The following ERAP1 variants were observed in gnomAD, a reference collection of about 807,000 sequenced individuals.
ERAP1 encodes endoplasmic reticulum aminopeptidase 1, also known as adipocyte-derived leucine aminopeptidase.
In ERAP1, 86 loss-of-function variants were observed where a neutral mutation model predicts 103.7. The ratio of observed to expected loss-of-function variants is 0.83; its 90% CI spans 0.70 to 0.99. The LOEUF (loss-of-function observed/expected upper bound fraction) is 0.99. Ranked by LOEUF, ERAP1 falls within the 50% of genes least tolerant of loss-of-function variation. The pLI, the probability that ERAP1 is intolerant of heterozygous loss-of-function variation, is 0.00. For synonymous variants in ERAP1, 398 were observed against 402.4 expected, an observed-to-expected ratio of 0.99 and a Z score of 0.13; for missense variants, 1,009 against 1,128.4, an observed-to-expected ratio of 0.89 and a Z score of 1.52.
the ERAP1 span, among the ~76,000 whole-genome samples, chr5:96,928,135 C>T: frequency 0.37 from 56,778 of 152,010 alleles, 10,774 homozygotes; most frequent in Non-Finnish European, 0.42. Flanking sequence ...GTGATCCGCC[C>T]ACCTCAGCCT....
chr5:96,913,402 G>A, the ERAP1 span: 2 of 1,614,050 alleles, frequency 1.2e-6, no homozygotes, highest in Non-Finnish European at 1.7e-6. Flanking sequence ...ACGTCCAAAG[G>A]GGCAGCAACT....
chr5:96,934,404 C>T, the ERAP1 span: 2 of 152,184 alleles, frequency 1.3e-5, no homozygotes, highest in Admixed American at 1.3e-4. Context: ...AGAAACAGTT[C>T]TTGTGCGAGG....
chr5:96,892,649 C>T, the ERAP1 span, among the ~76,000 whole-genome samples: 3 of 152,108 alleles, frequency 2.0e-5, no homozygotes, highest in East Asian at 1.9e-4. Context: ...AATTTTATTA[C>T]GAGAAGTAGC....
the ERAP1 span, chr5:96,917,396 C>A: frequency 5.0e-6 from 7 of 1,387,248 alleles, no homozygotes; most frequent in Non-Finnish European, 6.9e-6. Context: ...GCTGGGATTA[C>A]AGGTGTGAAC....
chr5:96,889,496 G>A, the ERAP1 span: 1 of 717,058 alleles, frequency 1.4e-6, no homozygotes, highest in Non-Finnish European at 2.5e-6. Context: ...CCCCAACAGT[G>A]TGGATCATTT....
chr5:96,862,734 G>A, the ERAP1 span, among the ~76,000 whole-genome samples: 1 of 152,186 alleles, frequency 6.6e-6, no homozygotes, highest in East Asian at 1.9e-4. Flanking sequence ...CAGCCACCAT[G>A]ATTGCCTAGA....
the ERAP1 span, among the ~76,000 whole-genome samples, chr5:96,864,876 CA>C: frequency 2.0e-5 from 3 of 151,594 alleles, no homozygotes; most frequent in African/African-American, 7.3e-5. Flanking sequence ...ATCAAAGGTC[CA>C]ATTTATAAAA....
chr5:96,926,872 A>G, the ERAP1 span, among the ~76,000 whole-genome samples: 1 of 152,144 alleles, frequency 6.6e-6, no homozygotes, highest in South Asian at 2.1e-4. Context: ...GCTGGAGTGC[A>G]CTGGTGCAGT....
chr5:96,900,681 A>G, the ERAP1 span, among the ~76,000 whole-genome samples: 1 of 151,952 alleles, frequency 6.6e-6, no homozygotes. Flanking sequence ...ACATAAATTT[A>G]TATTTATTTA....
chr5:96,818,321 C>A, the ERAP1 span, among the ~76,000 whole-genome samples: 12 of 152,092 alleles, frequency 7.9e-5, no homozygotes. Flanking sequence ...CTGAGATGAA[C>A]ACAACACCTC....
chr5:96,790,700 A>G, intron 8 of ERAP1, 57 bp from the exon 9 acceptor site: 2 of 1,490,652 alleles, frequency 1.3e-6, no homozygotes, highest in Non-Finnish European at 1.9e-6. Flanking sequence ...CTCATCTGAA[A>G]TCACATATTC....
chr5:96,800,795 G>A, intron 3 of ERAP1, 67 bp downstream of exon 3: 1 of 1,539,284 alleles, frequency 6.5e-7, no homozygotes, highest in Non-Finnish European at 9.0e-7. Context: ...GACTGTCACT[G>A]GGCTAGTGCA....
the ERAP1 span, chr5:96,896,728 A>T: frequency 4.9e-5 from 75 of 1,520,546 alleles, no homozygotes; most frequent in Admixed American, 3.2e-4. Context: ...GTTTTTTTTT[A>T]AAGGGAGCTT....
rs149909757 is a variant in ERAP1, at chr5:96,803,446, C to G, written c.481G>C (p.Gly161Arg). Residue 161 changes from glycine (G) to arginine (R), a missense_variant, in exon 2 of 19, where the codon GGA (glycine) becomes CGA (arginine). By Grantham distance (125) the Gly-to-Arg change is moderately radical. Transcript: ENST00000443439. ...YAGNLSETFH[G>R]FYKSTYRTKE... Reference sequence around the variant, plus strand: ...GTTCTGTAGGTGCTTTTGTAAAATCCGTGGAAAGTCTCCGAAAGATTGCCA... The same window carrying G: ...GTTCTGTAGGTGCTTTTGTAAAATCGGTGGAAAGTCTCCGAAAGATTGCCA... The G allele has an allele frequency of 1.9e-6, 3 of 1,612,604 alleles. No homozygotes were observed. In the Admixed American group the frequency reaches 5.0e-5, roughly 27 times the overall value.
chr5:96,774,797 C>CAATT lies in ERAP1; in HGVS notation c.*1595_*1598dup. 4.1e-6 allele frequency: 4 copies of CAATT among 984,226 alleles called. No homozygotes were observed. Among genetic ancestry groups the CAATT allele is most frequent in the Non-Finnish European group, 4.8e-6 (4 of 828,870 alleles). 61.0% of individuals were successfully genotyped at this position (984,226 alleles called of 1,614,324 possible). On this transcript the variant is annotated 3_prime_UTR_variant, in exon 19 of 19. Coordinates refer to ENST00000443439, the MANE Select transcript of ERAP1 (RefSeq NM_001040458.3). Reference sequence around the variant, plus strand: ...CTACAACAAATAAGTATAAAAATTCCAATTCCACTTTTATACCTATTTATT... The same window carrying CAATT: ...CTACAACAAATAAGTATAAAAATTCCAATTAATTCCACTTTTATACCTATTTATT...
chr5:96,935,481 C>G, the ERAP1 span: 1 of 152,810 alleles, frequency 6.5e-6, no homozygotes, highest in African/African-American at 2.4e-5. Context: ...CCAACCTCCC[C>G]AGGGAAACCA....
chr5:96,788,390 T>G, intron 11 of ERAP1, 141 bp downstream of exon 11: 1 of 1,001,224 alleles, frequency 1.0e-6, no homozygotes, highest in Non-Finnish European at 1.5e-6. Flanking sequence ...GCAGGGAGTA[T>G]AAGTCAACTT....
At chr5:96,846,963 G>A in the ERAP1 span, among the ~76,000 whole-genome samples, 18 of 148,538 alleles carry the variant, frequency 1.2e-4, no homozygotes, top group East Asian at 3.9e-4. Context: ...GTACAGGGCC[G>A]GGTGCGGTGG....
chr5:96,912,456 A>G, the ERAP1 span, among the ~76,000 whole-genome samples: 1 of 152,202 alleles, frequency 6.6e-6, no homozygotes, highest in African/African-American at 2.4e-5. Context: ...TAAAACACAA[A>G]TAATTTGCAG....
Sources: allele counts gnomAD v4.1 joint callset (sites outside exome capture counted in the v4.1 genomes callset), GRCh38; gene constraint gnomAD v4.1.1; transcripts MANE v1.5; gene names NCBI Gene and HGNC (gene_info 2026-07-23, HGNC 2026-07-21).